Variants in FAM107B observed in about 807,000 individuals in gnomAD.
FAM107B encodes family with sequence similarity 107 member B.
A neutral mutation model predicts 31.5 loss-of-function variants in FAM107B; 21 were observed. The observed-to-expected ratio is 0.67, with a 90% CI of 0.47 to 0.96. The LOEUF is 0.96. FAM107B is among the 40% of genes least tolerant of loss of function. The pLI is 0.00. For synonymous variants in FAM107B, 157 were observed against 141.5 expected, an observed-to-expected ratio of 1.11 and a Z score of -0.78; for missense variants, 452 against 377.1, an observed-to-expected ratio of 1.20 and a Z score of -1.64.
chr10:14,747,122 G>T (rs1248619263), intron 1 of FAM107B, among the ~76,000 whole-genome samples: 2 of 152,196 alleles, frequency 1.3e-5, no homozygotes, highest in African/African-American at 4.8e-5. Context: ...ATGGTCTTGT[G>T]TTGCGTTTCT....
At chr10:14,740,365 A>C (rs1856407867) in intron 1 of FAM107B, among the ~76,000 whole-genome samples, 1 of 152,238 alleles carries the variant, frequency 6.6e-6, no homozygotes, top group African/African-American at 2.4e-5. Flanking sequence ...AAAAGGATAC[A>C]TACTGTATGA....
chr10:14,604,114 A>ACCCCC, intron 2 of FAM107B: 28 of 340,896 alleles, frequency 8.2e-5, no homozygotes, highest in South Asian at 3.8e-4. Context: ...GCGCACGGGG[A>ACCCCC]CCCCCCACCC....
At chr10:14,766,680 T>C (rs1216710411) in intron 1 of FAM107B, among the ~76,000 whole-genome samples, 1 of 151,922 alleles carries the variant, frequency 6.6e-6, no homozygotes, top group Non-Finnish European at 1.5e-5. Flanking sequence ...TGATGATCAA[T>C]GAGTGGTACT....
rs74599869 is a variant in FAM107B at position 14,543,816 on chromosome 10, GTGAAA to G, written c.470-13306_470-13302del. 1.6e-4 allele frequency among the ~76,000 whole-genome samples: 24 copies of G among 151,992 alleles called. 1 individual carries two copies. Among genetic ancestry groups the G allele is most frequent in the Admixed American group, 1.2e-3 (18 of 15,268 alleles). On this transcript the variant is annotated intron_variant, in intron 2 of 4. Transcript: ENST00000181796. ...AGATGACCCTTGAGATCCCTTATTA[GTGAAA>G]TGTTCTGATAATAAAGAAGAGTTTG... is the stretch of plus-strand genomic sequence containing the variant.
intron 1 of FAM107B, among the ~76,000 whole-genome samples, chr10:14,718,636 A>T (rs569982908): frequency 6.6e-6 from 1 of 152,336 alleles, no homozygotes; most frequent in East Asian, 1.9e-4. Context: ...AGAATGCACC[A>T]ACCAACTGAA....
rs531590968 is a variant in FAM107B at position 14,740,859 on chromosome 10, C to T, written c.411+33394G>A. ...GCAGCTGTGCCTAAAAATAGTCTAGCCCCTGGACTATTCAGCTGCAAGTCA... is the reference window on the plus strand; with the variant it reads ...GCAGCTGTGCCTAAAAATAGTCTAGTCCCTGGACTATTCAGCTGCAAGTCA... On this transcript the variant is annotated intron_variant, in intron 1 of 4. Coordinates refer to ENST00000181796, the MANE Select transcript of FAM107B (RefSeq NM_031453.4). 3.9e-5 allele frequency among the ~76,000 whole-genome samples: 6 copies of T among 152,288 alleles called. No individual in the cohort carries two copies. The South Asian group carries it at 1.2e-3, about 32-fold the overall frequency.
intron 1 of FAM107B, among the ~76,000 whole-genome samples, chr10:14,688,257 T>C (rs1270968932): frequency 1.3e-5 from 2 of 152,244 alleles, no homozygotes; most frequent in African/African-American, 2.4e-5. Flanking sequence ...GACTGAAGGC[T>C]GCACTGTCGG....
At chr10:14,536,443 C>T (rs578141833) in intron 2 of FAM107B, among the ~76,000 whole-genome samples, 9 of 152,144 alleles carry the variant, frequency 5.9e-5, no homozygotes, top group Non-Finnish European at 1.3e-4. Flanking sequence ...ACCCAAGTTA[C>T]GTAAGGTGGA....
intron 2 of FAM107B, among the ~76,000 whole-genome samples, chr10:14,640,278 C>T (rs528936041): frequency 8.5e-5 from 13 of 152,298 alleles, no homozygotes; most frequent in Non-Finnish European, 1.9e-4. Context: ...GAATACAGAG[C>T]CTGAACCATT....
intron 1 of FAM107B, among the ~76,000 whole-genome samples, chr10:14,712,782 C>G (rs1393934541): frequency 6.6e-6 from 1 of 152,194 alleles, no homozygotes; most frequent in African/African-American, 2.4e-5. Flanking sequence ...TTTTTCATTT[C>G]TTTGTTTCTT....
intron 1 of FAM107B, among the ~76,000 whole-genome samples, chr10:14,732,983 C>T (rs1564278704): frequency 1.4e-5 from 2 of 144,654 alleles, no homozygotes; most frequent in Non-Finnish European, 3.0e-5. Flanking sequence ...CTATAGAATA[C>T]AATATATCTA....
At chr10:14,553,993 T>G (rs1849485487) in intron 2 of FAM107B, 1 of 534,440 alleles carries the variant, frequency 1.9e-6, no homozygotes, top group Admixed American at 6.4e-5. Flanking sequence ...CGTTTTTCCT[T>G]GTCTTCACCT....
At chr10:14,523,144 T>C (rs1049774701) in intron 3 of FAM107B, among the ~76,000 whole-genome samples, 3 of 152,236 alleles carry the variant, frequency 2.0e-5, no homozygotes, top group Non-Finnish European at 2.9e-5. Flanking sequence ...TGTTTAACTG[T>C]TAGCTTAAGA....
chr10:14,626,750 G>A (rs780580880), intron 2 of FAM107B, among the ~76,000 whole-genome samples: 3 of 152,012 alleles, frequency 2.0e-5, no homozygotes, highest in Non-Finnish European at 4.4e-5. Context: ...TGATCTGCCC[G>A]CCTGAGATGG....
chr10:14,622,428 T>C (rs1853037191), intron 2 of FAM107B, among the ~76,000 whole-genome samples: 1 of 151,634 alleles, frequency 6.6e-6, no homozygotes, highest in Non-Finnish European at 1.5e-5. Context: ...TGCCTCAACC[T>C]CCCGAGTAGC....
chr10:14,749,056 T>G (rs1187779369), intron 1 of FAM107B, among the ~76,000 whole-genome samples: 1 of 152,196 alleles, frequency 6.6e-6, no homozygotes, highest in Non-Finnish European at 1.5e-5. Flanking sequence ...AGAATGCTTC[T>G]CGTAGAGCCC....
intron 2 of FAM107B, among the ~76,000 whole-genome samples, chr10:14,630,759 G>A (rs1329766135): frequency 6.6e-6 from 1 of 152,088 alleles, no homozygotes; most frequent in African/African-American, 2.4e-5. Flanking sequence ...GCTAAGGCAG[G>A]AGGATTCCTT....
At chr10:14,556,947 G>A (rs1375240191) in intron 2 of FAM107B, among the ~76,000 whole-genome samples, 1 of 152,118 alleles carries the variant, frequency 6.6e-6, no homozygotes, top group Non-Finnish European at 1.5e-5. Flanking sequence ...AGCCACACAG[G>A]CCTGCCTTCA....
At chr10:14,604,000 G>C (rs866510733) in intron 2 of FAM107B, among the ~76,000 whole-genome samples, 2 of 146,640 alleles carry the variant, frequency 1.4e-5, no homozygotes, top group African/African-American at 4.9e-5. Context: ...CCCCGCCTCC[G>C]CGGCGCCCCC....
Sources: allele counts gnomAD v4.1 joint callset (sites outside exome capture counted in the v4.1 genomes callset), GRCh38; gene constraint gnomAD v4.1.1; transcripts MANE v1.5; gene names NCBI Gene and HGNC (gene_info 2026-07-23, HGNC 2026-07-21).